The following SLC5A8 variants were observed in gnomAD, a reference collection of about 807,000 sequenced individuals.
SLC5A8 encodes sodium-coupled monocarboxylate transporter 1.
A neutral mutation model predicts 71.9 loss-of-function variants in SLC5A8; 55 were observed. The ratio of observed to expected loss-of-function variants is 0.77; its 90% confidence interval spans 0.62 to 0.96. The LOEUF (loss-of-function observed/expected upper bound fraction) is 0.96, where lower values mean the gene tolerates loss of function less well. Among genes scored for constraint, SLC5A8 ranks in the 40% least tolerant of loss-of-function variants. SLC5A8 has a pLI of 0.00. For missense variants in SLC5A8, 701 were observed against 745.3 expected (o/e 0.94, Z 0.69); for synonymous variants, 307 against 276.1 (o/e 1.11, Z -1.11).
chr12:101,190,651 A>G (rs749507204), intron 5 of SLC5A8, 43 bp from the exon 6 acceptor site: 3 of 1,534,884 alleles, frequency 2.0e-6, no homozygotes, highest in Non-Finnish European at 1.7e-6. Context: ...CTATTAGCAG[A>G]GACTAAAAAA....
intron 3 of SLC5A8, among the ~76,000 whole-genome samples, chr12:101,200,908 C>A (rs1023243452): frequency 1.3e-5 from 2 of 152,084 alleles, no homozygotes; most frequent in African/African-American, 2.4e-5. Context: ...GTTAAATAAG[C>A]TTTTTTGAGC....
chr12:101,164,201 C>T (rs184268507), intron 12 of SLC5A8, among the ~76,000 whole-genome samples: 1 of 152,246 alleles, frequency 6.6e-6, no homozygotes, highest in Admixed American at 6.5e-5. Context: ...GGGAGAGAAA[C>T]ATTTTCAAAA....
At chr12:101,161,578 C>T (rs903359186) in intron 13 of SLC5A8, among the ~76,000 whole-genome samples, 3 of 152,300 alleles carry the variant, frequency 2.0e-5, no homozygotes, top group East Asian at 3.9e-4. Flanking sequence ...AAGATCACAG[C>T]ATATTGGGTT....
rs1400867028 is a variant in SLC5A8, at chr12:101,209,841, G to A, written c.8C>T (p.Thr3Met). 5.1e-6 allele frequency: 8 copies of A among 1,558,570 alleles called. No homozygotes were observed. Among genetic ancestry groups the A allele is most frequent in the Non-Finnish European group, 7.0e-6 (8 of 1,150,042 alleles). MDTPRGIGTFVVW... is the reference protein window; with the variant it reads MDMPRGIGTFVVW... ...CACGAAGGTGCCGATGCCCCGTGGC[G>A]TGTCCATGGCCGCACGGTCGCCTGA... The change falls in exon 1 of 15, where the codon ACG (threonine) becomes ATG (methionine). Residue 3 changes from threonine to methionine, a missense_variant. By Grantham distance (81) the Thr-to-Met change is moderately conservative. Coordinates refer to ENST00000536262, the MANE Select transcript of SLC5A8 (RefSeq NM_145913.5).
intron 2 of SLC5A8, among the ~76,000 whole-genome samples, chr12:101,204,037 G>A (rs1175050988): frequency 6.6e-6 from 1 of 152,144 alleles, no homozygotes; most frequent in Admixed American, 6.5e-5. Context: ...TTTAAAGTAC[G>A]ATTTCAAAGA....
intron 10 of SLC5A8, among the ~76,000 whole-genome samples, chr12:101,170,938 C>T (rs779573525): frequency 6.6e-6 from 1 of 152,160 alleles, no homozygotes; most frequent in Non-Finnish European, 1.5e-5. Context: ...CCCTTGAGTT[C>T]GCTTTGCATC....
intron 9 of SLC5A8, 110 bp from the exon 10 acceptor site, chr12:101,180,206 G>A: frequency 2.7e-6 from 3 of 1,100,488 alleles, no homozygotes; most frequent in African/African-American, 1.5e-5. Flanking sequence ...TGACTGTGGT[G>A]AAGAATGGCC....
chr12:101,199,745 A>T (rs1869355797), intron 3 of SLC5A8, among the ~76,000 whole-genome samples: 1 of 151,856 alleles, frequency 6.6e-6, no homozygotes, highest in African/African-American at 2.4e-5. Flanking sequence ...ACTGTTTGGC[A>T]ATTTCTTGTA....
At position 101,201,230 on chromosome 12, in the gene SLC5A8, A is replaced by G. The variant is rs74972641; in HGVS notation, c.469+934T>C. The stretch of plus-strand genomic sequence containing the variant: ...ATGATCCACTTGTGATGTTGGTAAT[A>G]CCGATGTGGAACATGCCCAGAATTC... On this transcript the variant is annotated intron_variant, in intron 3 of 14. Coordinates refer to ENST00000536262, the MANE Select transcript of SLC5A8 (RefSeq NM_145913.5). 8.5e-5 allele frequency among the ~76,000 whole-genome samples: 13 copies of G among 152,352 alleles called. No homozygotes were observed. In the East Asian group the frequency reaches 2.5e-3, roughly 29 times the overall value.
intron 10 of SLC5A8, 115 bp from the exon 11 acceptor site, chr12:101,168,297 A>C: frequency 1.0e-6 from 1 of 975,626 alleles, no homozygotes; most frequent in South Asian, 1.7e-5. Flanking sequence ...TGAAAATCAT[A>C]GTTTCAGTCA....
At chr12:101,163,865 G>A (rs916209992) in intron 12 of SLC5A8, among the ~76,000 whole-genome samples, 1 of 152,176 alleles carries the variant, frequency 6.6e-6, no homozygotes, top group Non-Finnish European at 1.5e-5. Flanking sequence ...TGCATTCAAT[G>A]GGGCAAAAGG....
At chr12:101,188,120 G>T (rs559097119) in intron 6 of SLC5A8, among the ~76,000 whole-genome samples, 42 of 152,284 alleles carry the variant, frequency 2.8e-4, no homozygotes, top group Middle Eastern at 6.8e-3. Context: ...AATCCTGGCT[G>T]TACCATAAGT....
intron 12 of SLC5A8, 129 bp downstream of exon 12, chr12:101,166,365 C>A: frequency 1.5e-6 from 1 of 670,612 alleles, no homozygotes. Flanking sequence ...TATAGCTAAC[C>A]ACATGGGTTT....
At position 101,168,188 on chromosome 12, in the gene SLC5A8, A is replaced by G. The variant is rs772485791; in HGVS notation, c.1234-6T>C. On this transcript the variant is annotated splice_region_variant and splice_polypyrimidine_tract_variant and intron_variant, in intron 10 of 14. Transcript: ENST00000536262. Reference sequence around the variant, plus strand: ...CCAAATACGCTGAGTGCTGCCTACAAAAATAATACAACGTCAGCAATTAGC... The same window carrying G: ...CCAAATACGCTGAGTGCTGCCTACAGAAATAATACAACGTCAGCAATTAGC... The G allele has an allele frequency of 6.3e-7, 1 of 1,591,968 alleles. No homozygotes were observed. Among genetic ancestry groups the G allele is most frequent in the Non-Finnish European group, 8.5e-7 (1 of 1,170,460 alleles).
chr12:101,171,863 C>T (rs2051832644), intron 10 of SLC5A8, among the ~76,000 whole-genome samples: 1 of 152,102 alleles, frequency 6.6e-6, no homozygotes, highest in Non-Finnish European at 1.5e-5. Context: ...GAAAGTCAGG[C>T]CACCCGGAGT....
Position 101,209,574 on chromosome 12 carries a change from T to C in SLC5A8, c.275A>G (p.Tyr92Cys), listed in dbSNP as rs752445427. 1.2e-6 allele frequency: 2 copies of C among 1,613,164 alleles called. No homozygotes were observed. The highest frequency in any genetic ancestry group is 1.1e-5 in the South Asian group (1 of 91,004). Residue 92 changes from tyrosine to cysteine, a missense_variant, in exon 1 of 15, where the codon TAC becomes TGC. Coordinates refer to ENST00000536262, the MANE Select transcript of SLC5A8 (RefSeq NM_145913.5). Reference protein sequence around the residue: ...GAIFSIFAFTYFFVVVISAEV... With the variant: ...GAIFSIFAFTCFFVVVISAEV... Reference sequence around the variant, plus strand: ...CGCGCTGATGACCACCACAAAGAAGTAGGTGAAGGCAAAGATGCTAAAAAT... The same window carrying C: ...CGCGCTGATGACCACCACAAAGAAGCAGGTGAAGGCAAAGATGCTAAAAAT...
chr12:101,196,744 C>T (rs1869193553), intron 3 of SLC5A8, among the ~76,000 whole-genome samples: 1 of 152,128 alleles, frequency 6.6e-6, no homozygotes, highest in African/African-American at 2.4e-5. Flanking sequence ...CTGTGTTAGG[C>T]CATTATATTA....
At chr12:101,158,598 C>CTCTCTCTATA (rs1411795424) in intron 13 of SLC5A8, among the ~76,000 whole-genome samples, 19 of 21,206 alleles carry the variant, frequency 9.0e-4, no homozygotes, top group Admixed American at 2.0e-3. Flanking sequence ...CTCTCTCTCT[C>CTCTCTCTATA]TATATATATA....
chr12:101,163,411 GCA>G (rs576195910), intron 12 of SLC5A8, among the ~76,000 whole-genome samples: 161 of 152,248 alleles, frequency 1.1e-3, no homozygotes, highest in Admixed American at 2.3e-3. Context: ...TGGGGTGGTG[GCA>G]CACACCTATA....
Sources: allele counts gnomAD v4.1 joint callset (sites outside exome capture counted in the v4.1 genomes callset), GRCh38; gene constraint gnomAD v4.1.1; transcripts MANE v1.5; gene names NCBI Gene and HGNC (gene_info 2026-07-23, HGNC 2026-07-21).